Variants in PATZ1 observed in about 807,000 individuals in gnomAD.
The protein encoded by PATZ1 is POZ/BTB and AT hook containing zinc finger 1, also known as POZ-, AT hook-, and zinc finger-containing protein 1.
In PATZ1, 9 loss-of-function variants were observed where a neutral mutation model predicts 46.2. The ratio of observed to expected loss-of-function variants is 0.19; its 90% confidence interval spans 0.12 to 0.34. PATZ1 has a LOEUF of 0.34. PATZ1 is among the 10% of genes least tolerant of loss of function. The pLI is 1.00. For synonymous variants in PATZ1, 426 were observed against 378.6 expected, an observed-to-expected ratio of 1.13 and a Z score of -1.45; for missense variants, 632 against 923.0, an observed-to-expected ratio of 0.68 and a Z score of 4.08.
intron 3 of PATZ1, among the ~76,000 whole-genome samples, chr22:31,335,180 C>G (rs1265674496): frequency 6.6e-6 from 1 of 152,212 alleles, no homozygotes; most frequent in Non-Finnish European, 1.5e-5. Flanking sequence ...CACAATCTAC[C>G]TGAGTTTGGG....
Position 31,344,517 on chromosome 22 carries a change from C to A in PATZ1, c.1086G>T (p.Lys362Asn). 4 of 1,614,236 alleles carry A rather than the reference C, an allele frequency of 2.5e-6. No homozygotes were observed. The highest frequency in any genetic ancestry group is 3.4e-6 in the Non-Finnish European group (4 of 1,180,028). The change falls in exon 1 of 5, where the codon AAG becomes AAT. Residue 362 changes from lysine to asparagine, a missense_variant. Physicochemically the swap from Lys to Asn is moderately conservative, Grantham distance 94. Around this residue, in one of 7 missense-constraint regions of PATZ1, gnomAD observed 279 missense variants for 284.3 expected, o/e 0.98. Transcript: ENST00000266269. ...TAAGATGATACACATCACGGAAGATCTTGCCGCAGATCTCACAAGCCACCT... is the reference window on the plus strand; with the variant it reads ...TAAGATGATACACATCACGGAAGATATTGCCGCAGATCTCACAAGCCACCT... Reference protein sequence around the residue: ...RKQVACEICGKIFRDVYHLNR... With the variant: ...RKQVACEICGNIFRDVYHLNR...
At chr22:31,335,587 C>T in intron 3 of PATZ1, 105 bp downstream of exon 3, 1 of 1,020,556 alleles carries the variant, frequency 9.8e-7, no homozygotes, top group Non-Finnish European at 1.5e-6. Flanking sequence ...TAGGGGGTGG[C>T]TGTGCAAAGA....
In PATZ1 at chr22:31,327,460, C is replaced by T; in HGVS notation, c.1646-151G>A. On this transcript the variant is annotated intron_variant, in intron 4 of 4. Coordinates refer to ENST00000266269, the MANE Select transcript of PATZ1 (RefSeq NM_014323.3). The surrounding 1 kb of genome is among the most constrained non-coding windows in gnomAD (Gnocchi z 4.2). ...CAGAACCCACGGAGGGTCAGCTGGTCAGTCTGGGAGCCTGGAGTGCCTACA... is the reference window on the plus strand; with the variant it reads ...CAGAACCCACGGAGGGTCAGCTGGTTAGTCTGGGAGCCTGGAGTGCCTACA... 2 of 667,618 alleles carry T rather than the reference C, an allele frequency of 3.0e-6. No homozygotes were observed. The highest frequency in any genetic ancestry group is 2.5e-6 in the Non-Finnish European group (1 of 396,282). 41.4% of individuals were successfully genotyped at this position (667,618 alleles called of 1,614,324 possible).
intron 2 of PATZ1, chr22:31,340,807 G>A (rs2049570959): frequency 9.4e-7 from 1 of 1,059,060 alleles, no homozygotes; most frequent in Non-Finnish European, 1.1e-6. Context: ...GCCATATATT[G>A]GGGTGGCCCA....
rs1204999590 is a variant in PATZ1, at chr22:31,335,855, A to G, written c.1344T>C (p.Asn448=). ...GACGGTCTCGGGTGGCAAAAGAAGC[A>G]TTGCAGGTCTGAAGGCAGAAAAGAA... The part of the protein sequence containing the change: ...SERPHKCQTC[N]ASFATRDRLR... The change falls in exon 3 of 5, where the codon AAT becomes AAC. Residue 448 remains asparagine (N), a synonymous_variant. Transcript: ENST00000266269. The G allele has an allele frequency of 6.2e-7, 1 of 1,613,356 alleles. No homozygotes were observed. Among genetic ancestry groups the G allele is most frequent in the African/African-American group, 1.3e-5 (1 of 74,926 alleles).
intron 2 of PATZ1, among the ~76,000 whole-genome samples, chr22:31,339,211 A>C (rs1273589876): frequency 2.6e-5 from 4 of 152,186 alleles, no homozygotes; most frequent in African/African-American, 9.7e-5. Context: ...TCCATTGATT[A>C]TCTCTCAAGG....
rs538003765 is a variant in PATZ1, at chr22:31,343,302, G to A, written c.1272-342C>T. The A allele has an allele frequency of 2.4e-5, 25 of 1,052,020 alleles. No individual in the cohort carries two copies. The African/African-American group carries it at 2.9e-4, about 12-fold the overall frequency. 65.2% of individuals were successfully genotyped at this position (1,052,020 alleles called of 1,614,324 possible). ...GAGCTGCCTCACTGCAGCCTTTCCA[G>A]GAGGGGATATGTGATTCATTGTCCA... is the stretch of plus-strand genomic sequence containing the variant. On this transcript the variant is annotated intron_variant, in intron 1 of 4. Transcript: ENST00000266269.
rs747328196 is a variant in PATZ1 at position 31,336,805 on chromosome 22, CAA to C, written c.1336-944_1336-943del. The stretch of plus-strand genomic sequence containing the variant: ...TGGGCAACAAGTCAAGACTTCCTCT[CAA>C]AAAAAAAAAAAAAAAAAAAAATCCG... On this transcript the variant is annotated intron_variant, in intron 2 of 4. Transcript: ENST00000266269. Among the ~76,000 whole-genome samples the C allele has an allele frequency of 2.5e-3, 160 of 64,488 alleles. 1 individual carries two copies. The highest frequency in any genetic ancestry group is 8.3e-3 in the African/African-American group (133 of 16,026). 42.3% of individuals were successfully genotyped at this position (64,488 alleles called of 152,430 possible). A position where few individuals can be genotyped will look rare whatever the true frequency, so the allele number is the denominator to read the frequency against.
At position 31,342,803 on chromosome 22, in the gene PATZ1, G is replaced by A. The variant is rs368646092; in HGVS notation, c.1335+94C>T. 981 of 1,402,086 alleles carry A rather than the reference G, an allele frequency of 7.0e-4. 2 individuals are homozygous for A. Among genetic ancestry groups the A allele is most frequent in the Non-Finnish European group, 8.6e-4 (859 of 1,003,896 alleles). The allele number at this position is 1,402,086 out of a possible 1,614,324, so 86.9% of individuals were successfully genotyped here. On this transcript the variant is annotated intron_variant, in intron 2 of 4. Coordinates refer to ENST00000266269, the MANE Select transcript of PATZ1 (RefSeq NM_014323.3). ...TGTGCAAAGCGGTGGGCGGTCAGCC[G>A]GGCCCCCGGCACACGCAGCGGCTGG...
chr22:31,332,684 A>G (rs898842913), intron 3 of PATZ1, among the ~76,000 whole-genome samples: 1 of 152,258 alleles, frequency 6.6e-6, no homozygotes, highest in African/African-American at 2.4e-5. Flanking sequence ...GAGTGGGCCT[A>G]CATAGCTTGA....
At chr22:31,336,852 G>C (rs1172988081) in intron 2 of PATZ1, among the ~76,000 whole-genome samples, 1 of 149,068 alleles carries the variant, frequency 6.7e-6, no homozygotes, top group Non-Finnish European at 1.5e-5. Flanking sequence ...GCTCACACCT[G>C]TAATCCCAGC....
In PATZ1 at chr22:31,345,545, T is replaced by A. The variant is rs765327330; in HGVS notation, c.58A>T (p.Ser20Cys). 16 of 1,612,496 alleles carry A rather than the reference T, an allele frequency of 9.9e-6. No individual in the cohort carries two copies. The highest frequency in any genetic ancestry group is 1.2e-5 in the Non-Finnish European group (14 of 1,179,472). ...GPSGCYTYQV[S>C]RHSTEMLHNL... Reference sequence around the variant, plus strand: ...TGCAGCATCTCCGTGCTGTGTCTGCTCACCTGGTATGTGTAGCAGCCAGAC... The same window carrying A: ...TGCAGCATCTCCGTGCTGTGTCTGCACACCTGGTATGTGTAGCAGCCAGAC... The change falls in exon 1 of 5, where the codon AGC becomes TGC. Residue 20 changes from serine to cysteine, a missense_variant. Ser to Cys is a moderately radical substitution (Grantham distance 112, BLOSUM62 -1). Around this residue, in one of 7 missense-constraint regions of PATZ1, gnomAD observed 30 missense variants for 27.7 expected, o/e 1.08. Transcript: ENST00000266269. This position sits in a 1 kb window ranked among gnomAD's most constrained non-coding sequence, Gnocchi z 7.4.
intron 3 of PATZ1, chr22:31,335,389 T>C: frequency 3.2e-6 from 1 of 309,070 alleles, no homozygotes; most frequent in African/African-American, 2.1e-5. Context: ...GTCTGCAAAA[T>C]GCATCCATCC....
rs2049397698 is a variant in PATZ1 at position 31,328,675 on chromosome 22, T to A, written c.1645+112A>T. 1.6e-5 allele frequency: 15 copies of A among 924,028 alleles called. No homozygotes were observed. The highest frequency in any genetic ancestry group is 2.4e-5 in the Non-Finnish European group (14 of 576,488). 57.2% of individuals were successfully genotyped at this position (924,028 alleles called of 1,614,324 possible). The stretch of plus-strand genomic sequence containing the variant: ...CCACTGCCACTCAGATCTCTGAGTC[T>A]CCTCAAGGCAGCCAGAAAGCCGGCA... On this transcript the variant is annotated intron_variant, in intron 4 of 4. Transcript: ENST00000266269. This position sits in a 1 kb window ranked among gnomAD's most constrained non-coding sequence, Gnocchi z 4.8.
intron 1 of PATZ1, 84 bp downstream of exon 1, chr22:31,344,248 A>C: frequency 7.7e-7 from 1 of 1,296,636 alleles, no homozygotes; most frequent in Admixed American, 2.2e-5. Context: ...ACCCCCACAA[A>C]TCCCACACCC....
In PATZ1 at chr22:31,344,642, G is replaced by T. The variant is rs779631426; in HGVS notation, c.961C>A (p.Leu321Met). ...GGAGGAGGAAGGTCGATGTAGCCCA[G>T]CTGGAGGCTGGTGACACCGTGCTGG... Reference protein sequence around the residue: ...EAQHGVTSLQLGYIDLPPPRL... With the variant: ...EAQHGVTSLQMGYIDLPPPRL... Residue 321 changes from leucine (L) to methionine (M), a missense_variant, in exon 1 of 5, where the codon CTG (leucine) becomes ATG (methionine). Transcript: ENST00000266269. 6.2e-7 allele frequency: 1 copy of T among 1,613,944 alleles called. No homozygotes were observed. The highest frequency in any genetic ancestry group is 2.2e-5 in the East Asian group (1 of 44,898).
rs1227595520 is a variant in PATZ1 at position 31,327,690 on chromosome 22, T to C, written c.1646-381A>G. ...GGTGCCTCTGAGGGTAAAATTGGTA[T>C]TCTGATGATGCCGAGCCAGTGTAAT... is the stretch of plus-strand genomic sequence containing the variant. On this transcript the variant is annotated intron_variant, in intron 4 of 4. Transcript: ENST00000266269. The surrounding 1 kb of genome is among the most constrained non-coding windows in gnomAD (Gnocchi z 4.2). 6.6e-6 allele frequency among the ~76,000 whole-genome samples: 1 copy of C among 152,126 alleles called. No homozygotes were observed.
In PATZ1 at chr22:31,342,918, A is replaced by G. The variant is rs1002679533; in HGVS notation, c.1314T>C (p.Ser438=). ...CTACCTGACACTTGTGAGGCCGCTC[A>G]GAAGTGTGCACCTGCTTGATATGTC... ...LNGHIKQVHT[S]ERPHKCQTCN... The change falls in exon 2 of 5, where the codon TCT becomes TCC. Residue 438 remains serine, a synonymous_variant. Coordinates refer to ENST00000266269, the MANE Select transcript of PATZ1 (RefSeq NM_014323.3). 2 of 1,614,122 alleles carry G rather than the reference A, an allele frequency of 1.2e-6. No homozygotes were observed. Among genetic ancestry groups the G allele is most frequent in the Admixed American group, 1.7e-5 (1 of 60,028 alleles).
In PATZ1 at chr22:31,344,549, T is replaced by C; in HGVS notation, c.1054A>G (p.Arg352Gly). The C allele has an allele frequency of 6.2e-7, 1 of 1,614,244 alleles. No homozygotes were observed. Among genetic ancestry groups the C allele is most frequent in the South Asian group, 1.1e-5 (1 of 91,088 alleles). The change falls in exon 1 of 5, where the codon AGG becomes GGG. Residue 352 changes from arginine (R) to glycine (G), a missense_variant. Transcript: ENST00000266269. ...PDGPRKRSRT[R>G]KQVACEICGK... is the part of the protein sequence containing the mutation. ...CAGATCTCACAAGCCACCTGCTTCC[T>C]GGTCCGGCTCCTCTTTCGGGGGCCG...
Sources: allele counts gnomAD v4.1 joint callset (sites outside exome capture counted in the v4.1 genomes callset), GRCh38; gene constraint gnomAD v4.1.1; regional missense constraint gnomAD v4.1.1; non-coding constraint Gnocchi (gnomAD v3.1); transcripts MANE v1.5; gene names NCBI Gene and HGNC (gene_info 2026-07-23, HGNC 2026-07-21).